The following RC3H1 variants were observed in gnomAD, a reference collection of about 807,000 sequenced individuals.
RC3H1 encodes the protein roquin-1.
RC3H1 carries 50 observed loss-of-function variants against 138.2 expected under a neutral mutation model. The observed-to-expected ratio is 0.36, with a 90% CI of 0.29 to 0.46. The LOEUF (loss-of-function observed/expected upper bound fraction) is 0.46, where lower values mean the gene tolerates loss of function less well. Among genes scored for constraint, RC3H1 ranks in the 20% least tolerant of loss-of-function variants. RC3H1 has a pLI of 1.00. For synonymous variants in RC3H1, 462 were observed against 489.1 expected (o/e 0.94, Z 0.73); for missense variants, 1,031 against 1,388.1 (o/e 0.74, Z 4.09).
intron 15 of RC3H1, 45 bp from the exon 16 acceptor site, chr1:173,946,881 C>A: frequency 3.8e-6 from 5 of 1,318,114 alleles, no homozygotes; most frequent in Non-Finnish European, 5.5e-6. Flanking sequence ...AGATTTGATT[C>A]TTCTTTTAAG....
At chr1:173,984,217 A>G (rs1366648511) in intron 3 of RC3H1, among the ~76,000 whole-genome samples, 1 of 152,234 alleles carries the variant, frequency 6.6e-6, no homozygotes, top group Non-Finnish European at 1.5e-5. Context: ...ATCATCACAT[A>G]AACTAAAAAT....
chr1:173,986,563 CT>C (rs931039637), intron 2 of RC3H1, among the ~76,000 whole-genome samples: 8 of 149,584 alleles, frequency 5.3e-5, no homozygotes, highest in Admixed American at 1.3e-4. Context: ...GTCTCTCCCT[CT>C]TTTTTTTTTC....
intron 6 of RC3H1, among the ~76,000 whole-genome samples, 154 bp downstream of exon 6, chr1:173,980,655 A>G (rs550315959): frequency 6.6e-6 from 1 of 152,354 alleles, no homozygotes; most frequent in East Asian, 1.9e-4. Context: ...TTAAATGAAC[A>G]AAGTGGTATT....
At position 173,938,561 on chromosome 1, in the gene RC3H1, TTTG is replaced by T; in HGVS notation, c.*157_*159del. 2.0e-6 allele frequency: 1 copy of T among 487,870 alleles called. No individual in the cohort carries two copies. The highest frequency in any genetic ancestry group is 3.6e-6 in the Non-Finnish European group (1 of 274,374). The allele number at this position is 487,870 out of a possible 1,614,324, so 30.2% of individuals were successfully genotyped here. ...GCATTAATGTGAACTATGTGCAGGG[TTTG>T]TTTTTAGTAGTGGTGTTTGTGCACA... On this transcript the variant is annotated 3_prime_UTR_variant, in exon 20 of 20. Coordinates refer to ENST00000367696, the MANE Select transcript of RC3H1 (RefSeq NM_172071.4).
intron 18 of RC3H1, among the ~76,000 whole-genome samples, chr1:173,943,067 AT>A (rs1197023885): frequency 1.3e-5 from 2 of 152,166 alleles, no homozygotes; most frequent in Non-Finnish European, 2.9e-5. Flanking sequence ...TGAAACTAGA[AT>A]GTTATTTGGT....
intron 2 of RC3H1, among the ~76,000 whole-genome samples, chr1:173,989,796 G>A (rs933551247): frequency 4.3e-5 from 6 of 138,338 alleles, no homozygotes; most frequent in Non-Finnish European, 1.5e-5. Context: ...GCGCAATCTC[G>A]GCTCACTGCA....
chr1:173,944,857 G>C (rs1659066391), intron 17 of RC3H1, among the ~76,000 whole-genome samples: 1 of 151,952 alleles, frequency 6.6e-6, no homozygotes, highest in Non-Finnish European at 1.5e-5. Flanking sequence ...ATCTCCTACT[G>C]GTCTTCCTAA....
At chr1:174,021,938 GC>G (rs1207165818) in intron 1 of RC3H1, among the ~76,000 whole-genome samples, 157 bp downstream of exon 1, 3 of 152,222 alleles carry the variant, frequency 2.0e-5, no homozygotes, top group African/African-American at 7.2e-5. Context: ...GCCGGCGGGG[GC>G]CCTGAGGAGC....
chr1:174,011,058 T>C (rs904001815), intron 1 of RC3H1, among the ~76,000 whole-genome samples: 1 of 152,220 alleles, frequency 6.6e-6, no homozygotes, highest in South Asian at 2.1e-4. Context: ...ATTACTCATA[T>C]GCATTTAAAG....
intron 13 of RC3H1, among the ~76,000 whole-genome samples, chr1:173,959,879 G>A (rs1659794331): frequency 6.6e-6 from 1 of 152,064 alleles, no homozygotes; most frequent in Admixed American, 6.6e-5. Context: ...GCTGAGGTGG[G>A]AGGATCACCT....
At position 173,946,505 on chromosome 1, in the gene RC3H1, T is replaced by A. The variant is rs769797985; in HGVS notation, c.2932A>T (p.Ser978Cys). ...LELQQLNHQI[S>C]QQTQLRGLEA... Reference sequence around the variant, plus strand: ...AGTCCACGTAGCTGGGTCTGCTGGCTAATCTGATGGTTCAATTGCTGCAAT... The same window carrying A: ...AGTCCACGTAGCTGGGTCTGCTGGCAAATCTGATGGTTCAATTGCTGCAAT... Residue 978 changes from serine (S) to cysteine (C), a missense_variant, in exon 17 of 20, where the codon AGC becomes TGC. Transcript: ENST00000367696. 3.7e-6 allele frequency: 6 copies of A among 1,614,188 alleles called. No individual in the cohort carries two copies. In the South Asian group the frequency reaches 5.5e-5, roughly 15 times the overall value.
At chr1:173,980,701 A>G (rs1028670934) in intron 6 of RC3H1, 108 bp downstream of exon 6, 1 of 698,500 alleles carries the variant, frequency 1.4e-6, no homozygotes, top group Non-Finnish European at 2.3e-6. Context: ...ACTGGCTATA[A>G]ATACAATTTA....
intron 1 of RC3H1, among the ~76,000 whole-genome samples, chr1:174,013,349 T>C (rs1337497438): frequency 2.6e-5 from 4 of 152,058 alleles, no homozygotes; most frequent in African/African-American, 7.2e-5. Flanking sequence ...TAGGTACATG[T>C]GGCTATTGAG....
At chr1:173,960,706 A>T (rs895737887) in intron 13 of RC3H1, among the ~76,000 whole-genome samples, 3 of 152,202 alleles carry the variant, frequency 2.0e-5, no homozygotes, top group Admixed American at 6.5e-5. Context: ...ACTTATTATA[A>T]AACTATACGA....
chr1:173,937,505 T>C lies in RC3H1; in HGVS notation c.*1216A>G, dbSNP rs1046004224. On this transcript the variant is annotated 3_prime_UTR_variant, in exon 20 of 20. Coordinates refer to ENST00000367696, the MANE Select transcript of RC3H1 (RefSeq NM_172071.4). ...AGCACAGACACATGGCATCAGAATA[T>C]GTGCAGCAGAATTAAAAAAAAAAAA... 2.0e-5 allele frequency: 3 copies of C among 151,156 alleles called. No homozygotes were observed. The highest frequency in any genetic ancestry group is 1.3e-4 in the Admixed American group (2 of 15,146). 9.4% of individuals were successfully genotyped at this position (151,156 alleles called of 1,614,324 possible).
At chr1:173,995,272 A>G (rs1661435782) in intron 1 of RC3H1, among the ~76,000 whole-genome samples, 1 of 152,054 alleles carries the variant, frequency 6.6e-6, no homozygotes, top group East Asian at 1.9e-4. Context: ...GGTGGCCCAC[A>G]CCTGTAATCC....
chr1:173,954,128 A>G (rs1324317638), intron 13 of RC3H1, among the ~76,000 whole-genome samples: 1 of 152,196 alleles, frequency 6.6e-6, no homozygotes, highest in Non-Finnish European at 1.5e-5. Flanking sequence ...ATGAAGGGAT[A>G]TCTGCACTCT....
At chr1:173,945,407 T>C (rs1318097502) in intron 17 of RC3H1, among the ~76,000 whole-genome samples, 1 of 152,220 alleles carries the variant, frequency 6.6e-6, no homozygotes, top group Admixed American at 6.5e-5. Context: ...ATTACAAGCA[T>C]GAACCACCAC....
rs975292227 is a variant in RC3H1, at chr1:173,963,913, C to T, written c.1831+60G>A. Reference sequence around the variant, plus strand: ...CTACTGTGTAAATGATCACTCTGACCTGAAGAACAGTTCTGATAATTCCTA... The same window carrying T: ...CTACTGTGTAAATGATCACTCTGACTTGAAGAACAGTTCTGATAATTCCTA... On this transcript the variant is annotated intron_variant, in intron 11 of 19. Transcript: ENST00000367696. The T allele has an allele frequency of 1.8e-5, 25 of 1,397,718 alleles. No individual in the cohort carries two copies. In the Admixed American group the frequency reaches 4.6e-4, roughly 25 times the overall value. 86.6% of individuals were successfully genotyped at this position (1,397,718 alleles called of 1,614,324 possible).
Sources: gnomAD v4.1 joint callset for allele counts (sites outside exome capture counted in the v4.1 genomes callset) on GRCh38, gnomAD v4.1.1 for gene constraint, MANE v1.5 for transcripts, NCBI Gene and HGNC (gene_info 2026-07-23, HGNC 2026-07-21) for gene names.